Variants in ACADM observed in about 807,000 individuals in gnomAD.
ACADM encodes the protein acyl-CoA dehydrogenase medium chain, also known as medium-chain specific acyl-CoA dehydrogenase, mitochondrial.
In ACADM, 49 loss-of-function variants were observed where a neutral mutation model predicts 58.9. The observed-to-expected ratio is 0.83, with a 90% CI of 0.66 to 1.06. ACADM has a LOEUF of 1.06. ACADM is among the 50% of genes least tolerant of loss of function. The probability of loss-of-function intolerance (pLI) is 0.00; values close to 1 mark genes in which losing one functional copy is unlikely to be tolerated. For missense variants in ACADM, 496 were observed against 507.0 expected (o/e 0.98, Z 0.21); for synonymous variants, 160 against 157.7 (o/e 1.01, Z -0.11).
At chr1:75,724,989 A>G (rs1647026397) in intron 1 of ACADM, among the ~76,000 whole-genome samples, 172 bp downstream of exon 1, 1 of 152,158 alleles carries the variant, frequency 6.6e-6, no homozygotes, top group Non-Finnish European at 1.5e-5. Flanking sequence ...ACCGGACGGA[A>G]CGTAGCCTAG....
chr1:75,725,685 T>G (rs1462029082), intron 1 of ACADM, among the ~76,000 whole-genome samples: 3 of 152,232 alleles, frequency 2.0e-5, no homozygotes, highest in Non-Finnish European at 4.4e-5. Flanking sequence ...ACAAAAGTGT[T>G]CAATTCTAGT....
At chr1:75,760,137 G>A (rs970407671) in intron 10 of ACADM, among the ~76,000 whole-genome samples, 7 of 151,044 alleles carry the variant, frequency 4.6e-5, no homozygotes, top group Admixed American at 2.6e-4. Flanking sequence ...AGAAAAAAAA[G>A]AGGCCGAGTG....
intron 7 of ACADM, among the ~76,000 whole-genome samples, chr1:75,742,397 G>T (rs1015739240): frequency 6.6e-6 from 1 of 152,086 alleles, no homozygotes; most frequent in African/African-American, 2.4e-5. Flanking sequence ...CCCAGTCCAC[G>T]TCCTCCAAAT....
chr1:75,733,329 A>G (rs1647185022), intron 4 of ACADM, 199 bp from the exon 5 acceptor site: 1 of 1,106,722 alleles, frequency 9.0e-7, no homozygotes, highest in African/African-American at 1.6e-5. Context: ...ACAAATAGTA[A>G]AATAATTTTT....
At chr1:75,743,121 T>G (rs1022714385) in intron 7 of ACADM, among the ~76,000 whole-genome samples, 1 of 152,158 alleles carries the variant, frequency 6.6e-6, no homozygotes, top group African/African-American at 2.4e-5. Flanking sequence ...CAAAATCATC[T>G]TTGCAGAGAG....
At chr1:75,758,412 G>A (rs1454283034) in intron 10 of ACADM, among the ~76,000 whole-genome samples, 5 of 152,254 alleles carry the variant, frequency 3.3e-5, no homozygotes, top group African/African-American at 1.2e-4. Flanking sequence ...AGATGTGCAG[G>A]GTAAGGTATG....
At chr1:75,730,429 A>G (rs1244456815) in intron 2 of ACADM, among the ~76,000 whole-genome samples, 2 of 152,192 alleles carry the variant, frequency 1.3e-5, no homozygotes, top group Admixed American at 6.5e-5. Context: ...TATCTATAAC[A>G]CAGAATTTCT....
At chr1:75,755,788 G>C (rs1329881959) in intron 10 of ACADM, among the ~76,000 whole-genome samples, 1 of 152,210 alleles carries the variant, frequency 6.6e-6, no homozygotes, top group East Asian at 1.9e-4. Flanking sequence ...GAAGGCTTCA[G>C]ATGATTGGTA....
intron 1 of ACADM, among the ~76,000 whole-genome samples, chr1:75,725,764 A>T (rs1647044637): frequency 2.0e-5 from 3 of 152,268 alleles, no homozygotes; most frequent in Non-Finnish European, 4.4e-5. Flanking sequence ...ACCAATAGTT[A>T]TATAGCATTA....
At chr1:75,754,634 T>A (rs1446871835) in intron 10 of ACADM, among the ~76,000 whole-genome samples, 1 of 152,216 alleles carries the variant, frequency 6.6e-6, no homozygotes, top group Non-Finnish European at 1.5e-5. Flanking sequence ...TATACAATGA[T>A]CTGCCCAAGG....
chr1:75,740,213 T>C, intron 7 of ACADM, 103 bp downstream of exon 7: 1 of 1,240,654 alleles, frequency 8.1e-7, no homozygotes, highest in South Asian at 1.2e-5. Flanking sequence ...TAAGGTATGT[T>C]TGTGGAACTG....
At chr1:75,729,188 T>C (rs1647102901) in intron 2 of ACADM, among the ~76,000 whole-genome samples, 1 of 151,270 alleles carries the variant, frequency 6.6e-6, no homozygotes, top group African/African-American at 2.4e-5. Context: ...TTTTTTTTAT[T>C]ATTTGTTGTG....
intron 10 of ACADM, among the ~76,000 whole-genome samples, chr1:75,755,836 A>G (rs1648474937): frequency 6.6e-6 from 1 of 152,202 alleles, no homozygotes; most frequent in Non-Finnish European, 1.5e-5. Context: ...GATACTGGCA[A>G]ACTGAATCCA....
intron 10 of ACADM, among the ~76,000 whole-genome samples, chr1:75,752,806 A>G (rs1557460273): frequency 6.6e-6 from 1 of 151,824 alleles, no homozygotes; most frequent in African/African-American, 2.4e-5. Context: ...ATGGTCAATT[A>G]TTTTGCTTTT....
In ACADM at chr1:75,724,738, A is replaced by T. The variant is rs753411141; in HGVS notation, c.-50A>T. On this transcript the variant is annotated 5_prime_UTR_variant, in exon 1 of 12. Coordinates refer to ENST00000370841, the MANE Select transcript of ACADM (RefSeq NM_000016.6). ...GAGTCCCGCGTTCGGGGAGTATGTC[A>T]AGGCCGTGACCCGTGTATTATTGTC... is the stretch of plus-strand genomic sequence containing the variant. 1 of 1,542,812 alleles carries T rather than the reference A, an allele frequency of 6.5e-7. No individual in the cohort carries two copies. The highest frequency in any genetic ancestry group is 2.0e-5 in the Admixed American group (1 of 50,468).
intron 10 of ACADM, among the ~76,000 whole-genome samples, chr1:75,756,545 C>T (rs1438188461): frequency 7.2e-5 from 11 of 152,272 alleles, no homozygotes; most frequent in African/African-American, 2.6e-4. Context: ...CAAACCACCA[C>T]TCAATGAAAT....
intron 8 of ACADM, among the ~76,000 whole-genome samples, chr1:75,747,094 T>A (rs1020418763): frequency 3.3e-5 from 5 of 152,202 alleles, no homozygotes; most frequent in African/African-American, 1.2e-4. Context: ...TCCCAAGAAA[T>A]TGTTTTTTAT....
rs114277271 is a variant in ACADM at position 75,750,372 on chromosome 1, C to G, written c.850-79C>G. 1.1e-3 allele frequency: 1,287 copies of G among 1,219,008 alleles called. 15 individuals are homozygous for G. In the African/African-American group the frequency reaches 0.018, roughly 17 times the overall value. The allele number at this position is 1,219,008 out of a possible 1,614,324, so 75.5% of individuals were successfully genotyped here. A position where few individuals can be genotyped will look rare whatever the true frequency, so the allele number is the denominator to read the frequency against. ...ACATCACCTTCTCTTTGTACACTCCCTAACATAGACACTTAGGCAGATATT... is the reference window on the plus strand; with the variant it reads ...ACATCACCTTCTCTTTGTACACTCCGTAACATAGACACTTAGGCAGATATT... On this transcript the variant is annotated intron_variant, in intron 9 of 11. Coordinates refer to ENST00000370841, the MANE Select transcript of ACADM (RefSeq NM_000016.6).
intron 7 of ACADM, among the ~76,000 whole-genome samples, chr1:75,742,467 C>T (rs1333521132): frequency 1.3e-5 from 2 of 152,190 alleles, no homozygotes; most frequent in African/African-American, 2.4e-5. Context: ...ACAAGAACTG[C>T]CTCCTCAGCC....
Sources: gnomAD v4.1 joint callset for allele counts (sites outside exome capture counted in the v4.1 genomes callset) on GRCh38, gnomAD v4.1.1 for gene constraint, MANE v1.5 for transcripts, NCBI Gene and HGNC (gene_info 2026-07-23, HGNC 2026-07-21) for gene names.